Variants in ANKRD24 observed in about 807,000 individuals in gnomAD.
ANKRD24 encodes ankyrin repeat domain 24.
Under a neutral mutation model 127.8 loss-of-function variants are expected in ANKRD24, and 109 were observed. The ratio of observed to expected loss-of-function variants is 0.85; its 90% CI spans 0.73 to 1.00. ANKRD24 has a LOEUF of 1.00. Ranked by LOEUF, ANKRD24 falls within the 50% of genes least tolerant of loss-of-function variation. The pLI, the probability that ANKRD24 is intolerant of heterozygous loss-of-function variation, is 0.00. For synonymous variants in ANKRD24, 743 were observed against 671.1 expected, an observed-to-expected ratio of 1.11 and a Z score of -1.66; for missense variants, 1,648 against 1,570.2, an observed-to-expected ratio of 1.05 and a Z score of -0.84.
chr19:4,201,025 C>T (rs182531766), intron 5 of ANKRD24, among the ~76,000 whole-genome samples: 21 of 151,944 alleles, frequency 1.4e-4, no homozygotes, highest in African/African-American at 5.1e-4. Context: ...GTATCTGGGG[C>T]AAGAGAATAA....
intron 6 of ANKRD24, 81 bp from the exon 7 acceptor site, chr19:4,202,788 C>T (rs1969164072): frequency 6.9e-7 from 1 of 1,440,646 alleles, no homozygotes; most frequent in African/African-American, 1.4e-5. Flanking sequence ...TATAGCAGAG[C>T]CCAGGGTAGG....
chr19:4,200,485 T>TA (rs1420403719), intron 5 of ANKRD24, among the ~76,000 whole-genome samples: 1 of 151,988 alleles, frequency 6.6e-6, no homozygotes, highest in Non-Finnish European at 1.5e-5. Flanking sequence ...GCTTGGGGGA[T>TA]AGCTGCAAAG....
At chr19:4,189,541 C>G (rs1222268560) in intron 2 of ANKRD24, among the ~76,000 whole-genome samples, 1 of 147,506 alleles carries the variant, frequency 6.8e-6, no homozygotes, top group Non-Finnish European at 1.5e-5. Context: ...CATGAGCCAC[C>G]ATGCCCGGCC....
chr19:4,188,005 G>A (rs1391791473), intron 2 of ANKRD24, among the ~76,000 whole-genome samples: 3 of 152,266 alleles, frequency 2.0e-5, no homozygotes, highest in South Asian at 2.1e-4. Context: ...GGGAGCTCAG[G>A]ATCTTTGAAA....
intron 1 of ANKRD24, among the ~76,000 whole-genome samples, chr19:4,184,130 C>A (rs892836069): frequency 6.6e-6 from 1 of 152,226 alleles, no homozygotes; most frequent in Non-Finnish European, 1.5e-5. Flanking sequence ...AGGCAGTCCG[C>A]TGCCAGCCTG....
chr19:4,224,598 C>T lies in ANKRD24; in HGVS notation c.*93C>T. ...TGCAGACCGGCTTCACTTGGCTTCACTTGGCCCTATCCAGGCCCATGCACT... is the reference window on the plus strand; with the variant it reads ...TGCAGACCGGCTTCACTTGGCTTCATTTGGCCCTATCCAGGCCCATGCACT... On this transcript the variant is annotated 3_prime_UTR_variant, in exon 22 of 22. Coordinates refer to ENST00000318934, the MANE Select transcript of ANKRD24 (RefSeq NM_001393985.1). 2.4e-6 allele frequency: 3 copies of T among 1,259,236 alleles called. No homozygotes were observed. Among genetic ancestry groups the T allele is most frequent in the Non-Finnish European group, 3.4e-6 (3 of 890,890 alleles). 78.0% of individuals were successfully genotyped at this position (1,259,236 alleles called of 1,614,324 possible). A position where few individuals can be genotyped will look rare whatever the true frequency, so the allele number is the denominator to read the frequency against.
At chr19:4,200,286 G>GAGCACCAGAGGGAGC in intron 5 of ANKRD24, 115 bp downstream of exon 5, 1 of 1,156,058 alleles carries the variant, frequency 8.7e-7, no homozygotes, top group Non-Finnish European at 1.2e-6. Flanking sequence ...AAAAGGGGAG[G>GAGCACCAGAGGGAGC]CTCCCTCTGG....
intron 15 of ANKRD24, among the ~76,000 whole-genome samples, chr19:4,215,619 T>A (rs1259102021): frequency 7.2e-4 from 60 of 82,884 alleles, no homozygotes; most frequent in African/African-American, 2.6e-3. Context: ...AAAAAAAAAA[T>A]TAAAAATTAG....
chr19:4,198,189 GTCC>G lies in ANKRD24; in HGVS notation c.37-1488_37-1486del. 1 of 573,024 alleles carries G rather than the reference GTCC, an allele frequency of 1.7e-6. No homozygotes were observed. 35.5% of individuals were successfully genotyped at this position (573,024 alleles called of 1,614,324 possible). On this transcript the variant is annotated intron_variant, in intron 2 of 21. Coordinates refer to ENST00000318934, the MANE Select transcript of ANKRD24 (RefSeq NM_001393985.1). The surrounding 1 kb of genome is among the most constrained non-coding windows in gnomAD (Gnocchi z 6.1). Reference sequence around the variant, plus strand: ...GAGGGAGCCGGGCCCCCGGCGCCGCGTCCTCCTCATCCTCCAGGCGACAAGGTC... The same window carrying G: ...GAGGGAGCCGGGCCCCCGGCGCCGCGTCCTCATCCTCCAGGCGACAAGGTC...
At chr19:4,193,405 G>A (rs532340063) in intron 2 of ANKRD24, among the ~76,000 whole-genome samples, 7 of 151,896 alleles carry the variant, frequency 4.6e-5, no homozygotes, top group Non-Finnish European at 8.8e-5. Flanking sequence ...CAGCAGTAAA[G>A]AAAGCAGCCA....
chr19:4,197,107 C>T (rs1431525689), intron 2 of ANKRD24, among the ~76,000 whole-genome samples: 1 of 152,110 alleles, frequency 6.6e-6, no homozygotes, highest in Non-Finnish European at 1.5e-5. Flanking sequence ...GCAGTAGGAA[C>T]TATTTATTAT....
rs368081092 is a variant in ANKRD24 at position 4,212,470 on chromosome 19, G to A, written c.1060-5G>A. 32 of 1,575,048 alleles carry A rather than the reference G, an allele frequency of 2.0e-5. No homozygotes were observed. Among genetic ancestry groups the A allele is most frequent in the African/African-American group, 5.4e-5 (4 of 73,832 alleles). On this transcript the variant is annotated splice_region_variant and splice_polypyrimidine_tract_variant and intron_variant, in intron 13 of 21. Transcript: ENST00000318934. ...CCAAACCCCTGTCCCTGTTTCTCCC[G>A]TCAGTCCCCGGAGGCCAGCTCCCTG... is the stretch of plus-strand genomic sequence containing the variant.
chr19:4,222,116 C>T (rs986658039), intron 19 of ANKRD24, among the ~76,000 whole-genome samples: 14 of 152,332 alleles, frequency 9.2e-5, no homozygotes, highest in Middle Eastern at 3.4e-3. Context: ...TGGCCGGGCG[C>T]GGTGGCTCAC....
chr19:4,213,791 C>T (rs1459743972), intron 15 of ANKRD24, among the ~76,000 whole-genome samples: 2 of 152,104 alleles, frequency 1.3e-5, no homozygotes, highest in African/African-American at 4.8e-5. Context: ...CACACCATCA[C>T]ACCCGGCTAA....
intron 18 of ANKRD24, among the ~76,000 whole-genome samples, chr19:4,219,091 G>C (rs1970302225): frequency 6.6e-6 from 1 of 152,062 alleles, no homozygotes. Context: ...TTCGAGACCA[G>C]CCTGGACAAC....
chr19:4,200,841 G>A (rs559885450), intron 5 of ANKRD24, among the ~76,000 whole-genome samples: 1 of 152,218 alleles, frequency 6.6e-6, no homozygotes, highest in Non-Finnish European at 1.5e-5. Context: ...TTTCTAGAAA[G>A]TGACTGAGGC....
At position 4,216,558 on chromosome 19, in the gene ANKRD24, G is replaced by T; in HGVS notation, c.1398G>T (p.Glu466Asp). 6.2e-7 allele frequency: 1 copy of T among 1,607,428 alleles called. No individual in the cohort carries two copies. The highest frequency in any genetic ancestry group is 1.1e-5 in the South Asian group (1 of 89,996). Residue 466 changes from glutamate (E) to aspartate (D), a missense_variant, in exon 18 of 22, where the codon GAG becomes GAT. Transcript: ENST00000318934. ...CCCACTCCACTCCCCAGATCCTGGA[G>T]AACTTTGAGAAGGACGAGACACAGA... The part of the protein sequence containing the change: ...QELMEKVQIL[E>D]NFEKDETQME...
chr19:4,188,159 C>T (rs1441292763), intron 2 of ANKRD24, among the ~76,000 whole-genome samples: 1 of 152,008 alleles, frequency 6.6e-6, no homozygotes, highest in Non-Finnish European at 1.5e-5. Context: ...CTCACTGCAA[C>T]CTCCACCTCC....
intron 2 of ANKRD24, among the ~76,000 whole-genome samples, chr19:4,194,641 A>G (rs1455195659): frequency 1.3e-5 from 2 of 152,140 alleles, no homozygotes; most frequent in Non-Finnish European, 2.9e-5. Context: ...GCTTTTGTGC[A>G]GGAGAGATGA....
Sources: allele counts gnomAD v4.1 joint callset (sites outside exome capture counted in the v4.1 genomes callset), GRCh38; gene constraint gnomAD v4.1.1; non-coding constraint Gnocchi (gnomAD v3.1); transcripts MANE v1.5; gene names NCBI Gene and HGNC (gene_info 2026-07-23, HGNC 2026-07-21).